Variants in PITPNC1 observed in about 807,000 individuals in gnomAD.
The protein encoded by PITPNC1 is cytoplasmic phosphatidylinositol transfer protein 1.
Under a neutral mutation model 44.7 loss-of-function variants are expected in PITPNC1, and 18 were observed. That is an observed-to-expected ratio of 0.40 (90% CI 0.28 to 0.60). The LOEUF is 0.60. Among genes scored for constraint, PITPNC1 ranks in the 20% least tolerant of loss-of-function variants. PITPNC1 has a pLI of 0.39. For synonymous variants in PITPNC1, 141 were observed against 149.6 expected (o/e 0.94, Z 0.42); for missense variants, 290 against 418.4 (o/e 0.69, Z 2.68).
intron 6 of PITPNC1, among the ~76,000 whole-genome samples, chr17:67,658,217 C>G (rs2042295456): frequency 6.6e-6 from 1 of 152,238 alleles, no homozygotes; most frequent in Non-Finnish European, 1.5e-5. Context: ...AAGCCAAAGA[C>G]AGTTTAAAGC....
chr17:67,455,840 G>C (rs2039248065), intron 1 of PITPNC1, among the ~76,000 whole-genome samples: 1 of 152,080 alleles, frequency 6.6e-6, no homozygotes, highest in Non-Finnish European at 1.5e-5. Flanking sequence ...GAGCACTGTT[G>C]TTTCAATGCC....
rs1304217633 is a variant in PITPNC1 at position 67,377,923 on chromosome 17, C to G, written c.-232C>G. The G allele has an allele frequency of 1.2e-5, 5 of 407,886 alleles. No individual in the cohort carries two copies. The highest frequency in any genetic ancestry group is 4.2e-5 in the African/African-American group (2 of 47,610). The allele number at this position is 407,886 out of a possible 1,614,324, so 25.3% of individuals were successfully genotyped here. On this transcript the variant is annotated 5_prime_UTR_variant, in exon 1 of 9. Transcript: ENST00000581322. Reference sequence around the variant, plus strand: ...TTTGCAACACCGCGTTCCGGGAGGACCGGCCTCGGCGAGGGAGGAGGCGGG... The same window carrying G: ...TTTGCAACACCGCGTTCCGGGAGGAGCGGCCTCGGCGAGGGAGGAGGCGGG...
chr17:67,504,866 A>G (rs1313803146), intron 1 of PITPNC1, among the ~76,000 whole-genome samples: 1 of 152,128 alleles, frequency 6.6e-6, no homozygotes, highest in Non-Finnish European at 1.5e-5. Flanking sequence ...TAATATATGC[A>G]TTTACAGCTA....
rs146560406 is a variant in PITPNC1, at chr17:67,692,744, C to G, written c.855C>G (p.Pro285=). The G allele has an allele frequency of 5.6e-6, 9 of 1,613,690 alleles. No homozygotes were observed. The highest frequency in any genetic ancestry group is 1.1e-5 in the South Asian group (1 of 91,086). The change falls in exon 9 of 9, where the codon CCC becomes CCG. Residue 285 remains proline, a synonymous_variant. Transcript: ENST00000581322. The part of the protein sequence containing the change: ...APSTPLSTDA[P]EFLSVPKDRP... ...CCACCCCTCTCTCCACAGACGCACCCGAATTTCTGTCCGTTCCCAAAGATC... is the reference window on the plus strand; with the variant it reads ...CCACCCCTCTCTCCACAGACGCACCGGAATTTCTGTCCGTTCCCAAAGATC...
intron 1 of PITPNC1, chr17:67,408,677 T>TCCTTCCTTC (rs2038437974): frequency 1.3e-5 from 1 of 79,436 alleles, no homozygotes; most frequent in African/African-American, 5.4e-5. Context: ...GCTTTCTCTT[T>TCCTTCCTTC]CTTCCTTCCT....
intron 5 of PITPNC1, among the ~76,000 whole-genome samples, chr17:67,628,417 A>C (rs2041922349): frequency 6.6e-6 from 1 of 152,178 alleles, no homozygotes; most frequent in Admixed American, 6.6e-5. Flanking sequence ...GAATAGGAGA[A>C]ATGTAATAGA....
chr17:67,600,141 AG>A (rs1010755379), intron 5 of PITPNC1, among the ~76,000 whole-genome samples: 1 of 152,194 alleles, frequency 6.6e-6, no homozygotes, highest in Admixed American at 6.5e-5. Flanking sequence ...GAACCTGAAA[AG>A]AATCCCCTGT....
At position 67,695,730 on chromosome 17, in the gene PITPNC1, CCATCTT is replaced by C. The variant is rs1355717614; in HGVS notation, c.*2848_*2853del. The stretch of plus-strand genomic sequence containing the variant: ...CCATAGAATATCACATACGTTCACT[CCATCTT>C]CATCTCTGAAGTTAGTGGAGACCAT... On this transcript the variant is annotated 3_prime_UTR_variant, in exon 9 of 9. Transcript: ENST00000581322. 6.6e-6 allele frequency: 1 copy of C among 151,930 alleles called. No homozygotes were observed. Among genetic ancestry groups the C allele is most frequent in the Non-Finnish European group, 1.5e-5 (1 of 67,984 alleles). 9.4% of individuals were successfully genotyped at this position (151,930 alleles called of 1,614,324 possible).
intron 1 of PITPNC1, among the ~76,000 whole-genome samples, chr17:67,415,401 G>A (rs766065387): frequency 1.8e-4 from 27 of 152,104 alleles, no homozygotes; most frequent in South Asian, 4.1e-4. Context: ...GCACGTCATC[G>A]TCTCCAAATC....
chr17:67,450,377 A>T (rs1055962323), intron 1 of PITPNC1, among the ~76,000 whole-genome samples: 2 of 40,388 alleles, frequency 5.0e-5, no homozygotes, highest in Non-Finnish European at 8.6e-5. Flanking sequence ...GACTTCGTTA[A>T]AAAAAAAAAA....
intron 6 of PITPNC1, among the ~76,000 whole-genome samples, chr17:67,659,623 G>A (rs1259889049): frequency 1.3e-5 from 2 of 152,152 alleles, no homozygotes; most frequent in Admixed American, 1.3e-4. Context: ...AATGGTGAGG[G>A]GAACAGCATG....
intron 4 of PITPNC1, 129 bp from the exon 5 acceptor site, chr17:67,578,056 TA>T (rs2041173895): frequency 1.4e-6 from 1 of 715,282 alleles, no homozygotes; most frequent in Non-Finnish European, 2.5e-6. Context: ...GATATTGACT[TA>T]GTATCTTAAC....
At chr17:67,465,339 C>T (rs1481331460) in intron 1 of PITPNC1, among the ~76,000 whole-genome samples, 1 of 152,132 alleles carries the variant, frequency 6.6e-6, no homozygotes, top group African/African-American at 2.4e-5. Flanking sequence ...TCCTTATGAG[C>T]CAGTGCAGAG....
intron 1 of PITPNC1, among the ~76,000 whole-genome samples, chr17:67,453,317 T>C (rs990599735): frequency 6.6e-6 from 1 of 152,206 alleles, no homozygotes; most frequent in African/African-American, 2.4e-5. Flanking sequence ...AGTTTTACTT[T>C]TTTTTCCTTT....
intron 1 of PITPNC1, among the ~76,000 whole-genome samples, chr17:67,468,538 A>G (rs1326415865): frequency 1.4e-5 from 2 of 148,048 alleles, no homozygotes; most frequent in Non-Finnish European, 3.0e-5. Context: ...AGTAGCTGGG[A>G]CTACTGGTGC....
chr17:67,444,139 G>A (rs919489702), intron 1 of PITPNC1, among the ~76,000 whole-genome samples: 1 of 151,912 alleles, frequency 6.6e-6, no homozygotes, highest in African/African-American at 2.4e-5. Flanking sequence ...ATACTGCCCC[G>A]CTCTGCTACC....
At chr17:67,568,062 G>A (rs1355083438) in intron 4 of PITPNC1, among the ~76,000 whole-genome samples, 2 of 152,326 alleles carry the variant, frequency 1.3e-5, no homozygotes, top group Admixed American at 1.3e-4. Flanking sequence ...AAGAATAGCT[G>A]TGGCAGTATT....
chr17:67,379,431 C>G, intron 1 of PITPNC1: 2 of 946,196 alleles, frequency 2.1e-6, no homozygotes, highest in Non-Finnish European at 2.5e-6. Context: ...ATCAAAGTAG[C>G]TGCAAGTTTA....
intron 1 of PITPNC1, among the ~76,000 whole-genome samples, chr17:67,530,946 TA>T (rs1344747585): frequency 1.3e-5 from 2 of 152,150 alleles, no homozygotes; most frequent in Non-Finnish European, 2.9e-5. Context: ...AAATTAATTT[TA>T]AAAATTGATT....
Sources: allele counts gnomAD v4.1 joint callset (sites outside exome capture counted in the v4.1 genomes callset), GRCh38; gene constraint gnomAD v4.1.1; transcripts MANE v1.5; gene names NCBI Gene and HGNC (gene_info 2026-07-23, HGNC 2026-07-21).